The following PDZD2 variants were observed in gnomAD, a reference collection of about 807,000 sequenced individuals.
PDZD2 encodes PDZ domain containing 2, also known as PDZ domain-containing protein 2.
In PDZD2, 90 loss-of-function variants were observed where a neutral mutation model predicts 220.7. The ratio of observed to expected loss-of-function variants is 0.41; its 90% confidence interval spans 0.34 to 0.49. The LOEUF is 0.49. Ranked by LOEUF, PDZD2 falls within the 20% of genes least tolerant of loss-of-function variation. The probability of loss-of-function intolerance (pLI) is 0.28; values close to 1 mark genes in which losing one functional copy is unlikely to be tolerated. For synonymous variants in PDZD2, 1,375 were observed against 1,450.5 expected (o/e 0.95, Z 1.18); for missense variants, 3,174 against 3,608.5 (o/e 0.88, Z 3.08).
intron 18 of PDZD2, among the ~76,000 whole-genome samples, chr5:32,076,525 G>A (rs191338721): frequency 6.6e-5 from 10 of 152,172 alleles, no homozygotes; most frequent in East Asian, 5.8e-4. Context: ...AAATAGAATG[G>A]ATTGCTATAA....
intron 2 of PDZD2, among the ~76,000 whole-genome samples, chr5:31,904,569 G>A (rs371155912): frequency 1.3e-5 from 2 of 151,954 alleles, no homozygotes; most frequent in East Asian, 1.9e-4. Context: ...GCTCTGTCGC[G>A]CAGGCTGGAG....
intron 1 of PDZD2, among the ~76,000 whole-genome samples, chr5:31,708,885 T>TG (rs780721607): frequency 0.023 from 3,365 of 145,756 alleles, 58 homozygotes; most frequent in South Asian, 0.072. Flanking sequence ...TGTTTTGTTT[T>TG]TTTTTTTTTT....
intron 1 of PDZD2, among the ~76,000 whole-genome samples, chr5:31,724,866 C>T (rs747060570): frequency 1.3e-5 from 2 of 152,082 alleles, no homozygotes; most frequent in African/African-American, 2.4e-5. Context: ...AGCGGTTCTA[C>T]CAAATATGAA....
chr5:31,908,746 CA>C, intron 2 of PDZD2: 1 of 969,036 alleles, frequency 1.0e-6, no homozygotes, highest in Non-Finnish European at 1.6e-6. Flanking sequence ...TTAGTAATTT[CA>C]AAAACGACCA....
At chr5:31,773,511 C>G (rs1225811565) in intron 1 of PDZD2, among the ~76,000 whole-genome samples, 1 of 150,222 alleles carries the variant, frequency 6.7e-6, no homozygotes, top group African/African-American at 2.5e-5. Context: ...ATTAGTGAAG[C>G]ATGGTGGCGC....
rs551547851 is a variant in PDZD2, at chr5:32,067,330, AC to A, written c.2452-2238del. Among the ~76,000 whole-genome samples, 49 of 152,320 alleles carry A rather than the reference AC, an allele frequency of 3.2e-4. No homozygotes were observed. In the East Asian group the frequency reaches 8.1e-3, roughly 25 times the overall value. ...TCCATTTTTCTCCTAGTCAAAAAAA[AC>A]AATTGCAAATGTTGAAAGTCTAGTA... On this transcript the variant is annotated intron_variant, in intron 14 of 24. Coordinates refer to ENST00000438447, the MANE Select transcript of PDZD2 (RefSeq NM_178140.4).
At chr5:31,918,979 G>C (rs1743926099) in intron 2 of PDZD2, among the ~76,000 whole-genome samples, 1 of 152,224 alleles carries the variant, frequency 6.6e-6, no homozygotes, top group African/African-American at 2.4e-5. Context: ...CCACGGCTGT[G>C]CACTGAGCTC....
chr5:31,934,253 G>T (rs1300922586), intron 2 of PDZD2, among the ~76,000 whole-genome samples: 1 of 152,082 alleles, frequency 6.6e-6, no homozygotes, highest in Non-Finnish European at 1.5e-5. Flanking sequence ...TCCTTAGCTT[G>T]AACTGTGAGC....
chr5:31,833,643 A>AAAG (rs1756761058), intron 2 of PDZD2, among the ~76,000 whole-genome samples: 1 of 133,100 alleles, frequency 7.5e-6, no homozygotes, highest in East Asian at 2.1e-4. Flanking sequence ...CTCAAAAAAA[A>AAAG]AAAAAAAGAA....
intron 13 of PDZD2, among the ~76,000 whole-genome samples, chr5:32,059,797 T>A (rs1393344186): frequency 6.6e-6 from 1 of 152,230 alleles, no homozygotes; most frequent in Non-Finnish European, 1.5e-5. Flanking sequence ...TTATTAAGTA[T>A]TCTCTCAAAC....
chr5:31,890,814 C>T (rs1740959834), intron 2 of PDZD2, among the ~76,000 whole-genome samples: 1 of 152,150 alleles, frequency 6.6e-6, no homozygotes, highest in African/African-American at 2.4e-5. Context: ...CAGTAACTCC[C>T]CTCCCTCTTG....
At chr5:31,951,342 A>G (rs898555955) in intron 2 of PDZD2, among the ~76,000 whole-genome samples, 1 of 152,180 alleles carries the variant, frequency 6.6e-6, no homozygotes, top group East Asian at 1.9e-4. Context: ...TAGTGGATCT[A>G]CAGGGTTGAG....
At position 31,762,785 on chromosome 5, in the gene PDZD2, T is replaced by C. The variant is rs115940213; in HGVS notation, c.-360-36104T>C. On this transcript the variant is annotated intron_variant, in intron 1 of 24. Transcript: ENST00000438447. ...ATGGAACCATTAAGTAATCTGAGGA[T>C]TGGGGAGGGAGGATATTGTAAATTG... 6.6e-3 allele frequency among the ~76,000 whole-genome samples: 1,008 copies of C among 152,288 alleles called. 10 individuals carry two copies. The highest frequency in any genetic ancestry group is 0.023 in the African/African-American group (957 of 41,570).
intron 6 of PDZD2, among the ~76,000 whole-genome samples, chr5:32,026,122 T>C (rs946391814): frequency 1.3e-5 from 2 of 149,648 alleles, no homozygotes; most frequent in Admixed American, 1.4e-4. Context: ...TCCTGCTAAT[T>C]GTCCTGTTGA....
At chr5:31,703,252 T>C (rs2150134796) in intron 1 of PDZD2, among the ~76,000 whole-genome samples, 1 of 152,216 alleles carries the variant, frequency 6.6e-6, no homozygotes, top group South Asian at 2.1e-4. Context: ...GTAGACTGGA[T>C]AAAGAAAATG....
intron 1 of PDZD2, chr5:31,661,462 G>A (rs764880390): frequency 2.0e-5 from 3 of 152,196 alleles, no homozygotes; most frequent in Non-Finnish European, 2.9e-5. Context: ...GAGGAAAGGA[G>A]TCCAAGGGGA....
At chr5:31,780,942 C>T (rs1207978842) in intron 1 of PDZD2, among the ~76,000 whole-genome samples, 1 of 152,250 alleles carries the variant, frequency 6.6e-6, no homozygotes, top group Non-Finnish European at 1.5e-5. Flanking sequence ...AGGCAACATT[C>T]TCCAGAAGAT....
intron 5 of PDZD2, among the ~76,000 whole-genome samples, chr5:32,007,485 A>G (rs1245883824): frequency 1.3e-5 from 2 of 152,090 alleles, no homozygotes; most frequent in African/African-American, 4.8e-5. Context: ...TTCCTTAGAT[A>G]AGGCCTAACA....
intron 24 of PDZD2, chr5:32,103,675 G>T (rs957402558): frequency 6.6e-6 from 1 of 152,276 alleles, no homozygotes; most frequent in Admixed American, 6.5e-5. Flanking sequence ...GGGAGCGGGA[G>T]TGGCCGCCTT....
Sources: allele counts gnomAD v4.1 joint callset (sites outside exome capture counted in the v4.1 genomes callset), GRCh38; gene constraint gnomAD v4.1.1; transcripts MANE v1.5; gene names NCBI Gene and HGNC (gene_info 2026-07-23, HGNC 2026-07-21).